CACNB3: variants seen among roughly 807,000 people sequenced by gnomAD.
The protein encoded by CACNB3 is voltage-dependent L-type calcium channel subunit beta-3.
A neutral mutation model predicts 63.7 loss-of-function variants in CACNB3; 36 were observed. The ratio of observed to expected loss-of-function variants is 0.57; its 90% CI spans 0.43 to 0.75. The LOEUF (loss-of-function observed/expected upper bound fraction) is 0.75, where lower values mean the gene tolerates loss of function less well. Ranked by LOEUF, CACNB3 falls within the 30% of genes least tolerant of loss-of-function variation. CACNB3 has a pLI of 0.00. For synonymous variants in CACNB3, 241 were observed against 250.6 expected, an observed-to-expected ratio of 0.96 and a Z score of 0.36; for missense variants, 493 against 648.6, an observed-to-expected ratio of 0.76 and a Z score of 2.61.
At position 48,818,845 on chromosome 12, in the gene CACNB3, C is replaced by G; in HGVS notation, c.-85C>G. 1 of 1,441,042 alleles carries G rather than the reference C, an allele frequency of 6.9e-7. No individual in the cohort carries two copies. Among genetic ancestry groups the G allele is most frequent in the Non-Finnish European group, 9.1e-7 (1 of 1,097,854 alleles). 89.3% of individuals were successfully genotyped at this position (1,441,042 alleles called of 1,614,324 possible). A position where few individuals can be genotyped will look rare whatever the true frequency, so the allele number is the denominator to read the frequency against. On this transcript the variant is annotated 5_prime_UTR_variant, in exon 1 of 13. Transcript: ENST00000301050. The surrounding 1 kb of genome is among the most constrained non-coding windows in gnomAD (Gnocchi z 4.3). ...AGGGCTGCGGGGCTCGGTGGCATCT[C>G]CCGGGCGCGGCCCGCAGTCCTTGCC... is the stretch of plus-strand genomic sequence containing the variant.
At position 48,826,269 on chromosome 12, in the gene CACNB3, C is replaced by T. The variant is rs1276841278; in HGVS notation, c.743-98C>T. 2 of 1,257,586 alleles carry T rather than the reference C, an allele frequency of 1.6e-6. No homozygotes were observed. Among genetic ancestry groups the T allele is most frequent in the Admixed American group, 1.9e-5 (1 of 53,946 alleles). The allele number at this position is 1,257,586 out of a possible 1,614,324, so 77.9% of individuals were successfully genotyped here. ...GGCTTCGATGAATGCCCTTTTCCTCCAATTCCTTCCTGTCCACCATTCGGG... is the reference window on the plus strand; with the variant it reads ...GGCTTCGATGAATGCCCTTTTCCTCTAATTCCTTCCTGTCCACCATTCGGG... On this transcript the variant is annotated intron_variant, in intron 9 of 12. Transcript: ENST00000301050. This position sits in a 1 kb window ranked among gnomAD's most constrained non-coding sequence, Gnocchi z 4.8.
At position 48,826,966 on chromosome 12, in the gene CACNB3, C is replaced by T. The variant is rs115202023; in HGVS notation, c.991-8C>T. 6 of 1,613,960 alleles carry T rather than the reference C, an allele frequency of 3.7e-6. No individual in the cohort carries two copies. The highest frequency in any genetic ancestry group is 4.2e-6 in the Non-Finnish European group (5 of 1,179,932). ...AAACCAACGTTGCGCCTTCCTCCCC[C>T]TCCCCAGGAGTCATTTGATGTGATT... On this transcript the variant is annotated splice_polypyrimidine_tract_variant and splice_region_variant and intron_variant, in intron 11 of 12. Coordinates refer to ENST00000301050, the MANE Select transcript of CACNB3 (RefSeq NM_000725.4). The surrounding 1 kb of genome is among the most constrained non-coding windows in gnomAD (Gnocchi z 4.8).
intron 12 of CACNB3, 76 bp from the exon 13 acceptor site, chr12:48,827,509 G>C: frequency 7.6e-7 from 1 of 1,317,188 alleles, no homozygotes; most frequent in African/African-American, 1.5e-5. Flanking sequence ...AGTTGAGGGG[G>C]GAAGAATCTC....
chr12:48,821,893 A>G (rs1458450252), intron 1 of CACNB3, among the ~76,000 whole-genome samples: 1 of 152,200 alleles, frequency 6.6e-6, no homozygotes, highest in Non-Finnish European at 1.5e-5. Context: ...CCTTTGGTCT[A>G]CTATAGACAC....
Position 48,818,936 on chromosome 12 carries a change from G to A in CACNB3, c.7G>A (p.Asp3Asn). The change falls in exon 1 of 13, where the codon GAC (aspartate) becomes AAC (asparagine). Residue 3 changes from aspartate to asparagine, a missense_variant. By Grantham distance (23) the Asp-to-Asn change is conservative. Coordinates refer to ENST00000301050, the MANE Select transcript of CACNB3 (RefSeq NM_000725.4). The surrounding 1 kb of genome is among the most constrained non-coding windows in gnomAD (Gnocchi z 4.3). The part of the protein sequence containing the change: MY[D>N]DSYVPGFEDS... ...CCCCGACCCGGACTCCCCCATGTAT[G>A]ACGACTCCTACGTGCCCGGGTTTGA... is the stretch of plus-strand genomic sequence containing the variant. 1 of 1,599,254 alleles carries A rather than the reference G, an allele frequency of 6.3e-7. No homozygotes were observed.
chr12:48,823,949 T>C lies in CACNB3; in HGVS notation c.291+146T>C, dbSNP rs1937986444. ...AACACACACCTGTCCACCCCTCATATCTAAGATCTCATCCCCAGGGTCTCC... is the reference window on the plus strand; with the variant it reads ...AACACACACCTGTCCACCCCTCATACCTAAGATCTCATCCCCAGGGTCTCC... On this transcript the variant is annotated intron_variant, in intron 3 of 12. Transcript: ENST00000301050. This position sits in a 1 kb window ranked among gnomAD's most constrained non-coding sequence, Gnocchi z 4.2. The C allele has an allele frequency of 9.8e-7, 1 of 1,018,494 alleles. No homozygotes were observed. Among genetic ancestry groups the C allele is most frequent in the Non-Finnish European group, 1.4e-6 (1 of 701,016 alleles). The allele number at this position is 1,018,494 out of a possible 1,614,324, so 63.1% of individuals were successfully genotyped here.
At chr12:48,814,689 G>A, upstream of CACNB3, 1 of 952,372 alleles carries the variant, frequency 1.1e-6, no homozygotes, top group Non-Finnish European at 1.5e-6. The surrounding 1 kb of genome is among the most constrained non-coding windows in gnomAD (Gnocchi z 6.9). Context: ...GAAAGGAGGG[G>A]GAGAGGGGTT....
rs547372189 is a variant in CACNB3, at chr12:48,826,221, A to G, written c.743-146A>G. 2 of 752,894 alleles carry G rather than the reference A, an allele frequency of 2.7e-6. No homozygotes were observed. Among genetic ancestry groups the G allele is most frequent in the Admixed American group, 2.4e-5 (1 of 40,856 alleles). The allele number at this position is 752,894 out of a possible 1,614,324, so 46.6% of individuals were successfully genotyped here. A position where few individuals can be genotyped will look rare whatever the true frequency, so the allele number is the denominator to read the frequency against. On this transcript the variant is annotated intron_variant, in intron 9 of 12. Coordinates refer to ENST00000301050, the MANE Select transcript of CACNB3 (RefSeq NM_000725.4). The surrounding 1 kb of genome is among the most constrained non-coding windows in gnomAD (Gnocchi z 4.8). ...GGCAAGAACACACCCCTCCTCCTCAATTCCCATTCCTCTGCCTGTCCAGGC... is the reference window on the plus strand; with the variant it reads ...GGCAAGAACACACCCCTCCTCCTCAGTTCCCATTCCTCTGCCTGTCCAGGC...
In CACNB3 at chr12:48,825,404, G is replaced by A. The variant is rs540165961; in HGVS notation, c.574-30G>A. On this transcript the variant is annotated intron_variant, in intron 7 of 12. Coordinates refer to ENST00000301050, the MANE Select transcript of CACNB3 (RefSeq NM_000725.4). This position sits in a 1 kb window ranked among gnomAD's most constrained non-coding sequence, Gnocchi z 4.5. ...GGGGAGGCTGCTTCTCTCCAAAGGG[G>A]CCCTTCATCAGTGCCATGCCTTCCC... The A allele has an allele frequency of 6.2e-7, 1 of 1,613,434 alleles. No individual in the cohort carries two copies. Among genetic ancestry groups the A allele is most frequent in the East Asian group, 2.2e-5 (1 of 44,870 alleles).
chr12:48,814,868 C>T (rs1188230050), upstream of CACNB3: 1 of 326,488 alleles, frequency 3.1e-6, no homozygotes, highest in Non-Finnish European at 5.6e-6. The surrounding 1 kb of genome is among the most constrained non-coding windows in gnomAD (Gnocchi z 6.9). Flanking sequence ...CCAAGGGGCG[C>T]TGCAGCGGGT....
At chr12:48,817,090 A>C (rs1330925706), upstream of CACNB3, 18 of 781,440 alleles carry the variant, frequency 2.3e-5, no homozygotes, top group Non-Finnish European at 2.8e-5. Context: ...TCAGGAGAGG[A>C]GACAGTCCCT....
upstream of CACNB3, chr12:48,818,489 C>T (rs1450397963): frequency 5.0e-6 from 5 of 998,978 alleles, no homozygotes; most frequent in Admixed American, 6.1e-5. The surrounding 1 kb of genome is among the most constrained non-coding windows in gnomAD (Gnocchi z 4.3). Context: ...TGCCCGCAGC[C>T]TCTCCTCCCC....
Position 48,826,809 on chromosome 12 carries a change from G to C in CACNB3, c.945G>C (p.Leu315=). Residue 315 remains leucine (L), a synonymous_variant, in exon 11 of 13, where the codon CTG becomes CTC. Coordinates refer to ENST00000301050, the MANE Select transcript of CACNB3 (RefSeq NM_000725.4). The surrounding 1 kb of genome is among the most constrained non-coding windows in gnomAD (Gnocchi z 4.8). The part of the protein sequence containing the change: ...RSRGKSQMKH[L]TVQMMAYDKL... ...GGGGGAAGTCACAGATGAAGCACCT[G>C]ACCGTACAGATGATGGCATATGATA... is the stretch of plus-strand genomic sequence containing the variant. The C allele has an allele frequency of 6.2e-7, 1 of 1,614,176 alleles. No homozygotes were observed. The highest frequency in any genetic ancestry group is 8.5e-7 in the Non-Finnish European group (1 of 1,180,040).
chr12:48,824,842 G>A, intron 5 of CACNB3, 107 bp from the exon 6 acceptor site: 2 of 1,531,596 alleles, frequency 1.3e-6, no homozygotes, highest in Non-Finnish European at 1.8e-6. Flanking sequence ...GGAGGGATTG[G>A]AAGGGGTGGG....
In CACNB3 at chr12:48,824,972, A is replaced by G. The variant is rs763389578; in HGVS notation, c.492+4A>G. 6.2e-7 allele frequency: 1 copy of G among 1,613,136 alleles called. No homozygotes were observed. The highest frequency in any genetic ancestry group is 1.1e-5 in the South Asian group (1 of 91,034). ...AGCCAAGCAGAAGCAAAAGCAGGTGAGTCAAGGAAGGGACCTGGGCTGGGG... is the reference window on the plus strand; with the variant it reads ...AGCCAAGCAGAAGCAAAAGCAGGTGGGTCAAGGAAGGGACCTGGGCTGGGG... On this transcript the variant is annotated splice_donor_region_variant and intron_variant, in intron 6 of 12. Transcript: ENST00000301050.
Position 48,818,834 on chromosome 12 carries a change from C to G in CACNB3, c.-96C>G. On this transcript the variant is annotated 5_prime_UTR_variant, in exon 1 of 13. Transcript: ENST00000301050. This position sits in a 1 kb window ranked among gnomAD's most constrained non-coding sequence, Gnocchi z 4.3. ...CCGCCGCCCGCAGGGCTGCGGGGCT[C>G]GGTGGCATCTCCCGGGCGCGGCCCG... is the stretch of plus-strand genomic sequence containing the variant. 1.4e-6 allele frequency: 2 copies of G among 1,412,436 alleles called. No homozygotes were observed. The highest frequency in any genetic ancestry group is 3.2e-5 in the South Asian group (2 of 63,304). The allele number at this position is 1,412,436 out of a possible 1,614,324, so 87.5% of individuals were successfully genotyped here. A position where few individuals can be genotyped will look rare whatever the true frequency, so the allele number is the denominator to read the frequency against.
chr12:48,827,857 G>C lies in CACNB3; in HGVS notation c.1413G>C (p.Arg471=), dbSNP rs753014429. 1.7e-5 allele frequency: 28 copies of C among 1,613,970 alleles called. No homozygotes were observed. Among genetic ancestry groups the C allele is most frequent in the Middle Eastern group, 1.6e-4 (1 of 6,084 alleles). ...AQDSEHNHSD[R]NWQRNRPWPK... ...ACTCAGAGCACAACCACAGTGACCG[G>C]AACTGGCAGCGCAACCGGCCTTGGC... The change falls in exon 13 of 13, where the codon CGG becomes CGC. Residue 471 remains arginine (R), a synonymous_variant. Transcript: ENST00000301050.
chr12:48,815,759 A>C, upstream of CACNB3: 1 of 1,149,828 alleles, frequency 8.7e-7, no homozygotes, highest in Middle Eastern at 2.0e-4. Flanking sequence ...GGGTCGTGGG[A>C]AGGGGGTTCC....
At chr12:48,827,154 A>T (rs994151941) in intron 12 of CACNB3, 31 bp downstream of exon 12, 1 of 1,608,642 alleles carries the variant, frequency 6.2e-7, no homozygotes. Context: ...GAGATGCTCA[A>T]GCTAAGCCAG....
Sources: allele counts gnomAD v4.1 joint callset (sites outside exome capture counted in the v4.1 genomes callset), GRCh38; gene constraint gnomAD v4.1.1; non-coding constraint Gnocchi (gnomAD v3.1); transcripts MANE v1.5; gene names NCBI Gene and HGNC (gene_info 2026-07-23, HGNC 2026-07-21).